TMEM47: variants seen among roughly 807,000 people sequenced by gnomAD.
The protein encoded by TMEM47 is brain cell membrane protein 1.
Under a neutral mutation model 12.4 loss-of-function variants are expected in TMEM47, and 3 were observed. The observed-to-expected ratio is 0.24, with a 90% CI of 0.11 to 0.63. The LOEUF (loss-of-function observed/expected upper bound fraction) is 0.63, where lower values mean the gene tolerates loss of function less well. TMEM47 is among the 20% of genes least tolerant of loss of function. TMEM47 has a pLI of 0.86. For synonymous variants in TMEM47, 62 were observed against 63.3 expected (o/e 0.98, Z 0.10); for missense variants, 89 against 143.8 (o/e 0.62, Z 1.95).
At chrX:34,650,863 C>T (rs748650879) in intron 1 of TMEM47, among the ~76,000 whole-genome samples, 1 of 111,486 alleles carries the variant, frequency 9.0e-6, no homozygotes. Context: ...ATCCAAAGTA[C>T]AAGTAACCAG....
chrX:34,644,500 A>G lies in TMEM47; in HGVS notation c.227-5113T>C, dbSNP rs771322688. 3.6e-5 allele frequency among the ~76,000 whole-genome samples: 4 copies of G among 112,077 alleles called. No individual in the cohort carries two copies. In the Admixed American group the frequency reaches 3.8e-4, roughly 11 times the overall value. On this transcript the variant is annotated intron_variant, in intron 1 of 2. Transcript: ENST00000275954. ...CAAGGATACATTTTCGATATTTTTG[A>G]GCCAAGGGCAATGCACAAAACCAGT... is the stretch of plus-strand genomic sequence containing the variant.
At position 34,656,982 on chromosome X, in the gene TMEM47, C is replaced by T; in HGVS notation, c.48G>A (p.Leu16=). Residue 16 remains leucine, a synonymous_variant, in exon 1 of 3, where the codon CTG becomes CTA. Transcript: ENST00000275954. ...SGMEEVRVSV[L]TPLKLVGLVC... ...CCAGCCCGACCAGCTTCAAGGGGGT[C>T]AGCACCGACACGCGCACCTCCTCCA... The T allele has an allele frequency of 8.5e-7, 1 of 1,178,001 alleles. No homozygotes were observed. The highest frequency in any genetic ancestry group is 3.2e-5 in the East Asian group (1 of 31,260).
At chrX:34,642,052 T>C (rs1017656556) in intron 1 of TMEM47, among the ~76,000 whole-genome samples, 1 of 111,983 alleles carries the variant, frequency 8.9e-6, no homozygotes, top group African/African-American at 3.2e-5. Context: ...AGACTGGGTT[T>C]CACCATGTTG....
chrX:34,633,873 C>T (rs1388322765), intron 2 of TMEM47, among the ~76,000 whole-genome samples: 1 of 111,402 alleles, frequency 9.0e-6, no homozygotes, highest in East Asian at 2.8e-4. Flanking sequence ...TGTTGGAGCT[C>T]AATAAAAATT....
intron 1 of TMEM47, among the ~76,000 whole-genome samples, chrX:34,653,388 T>A (rs772761888): frequency 8.9e-6 from 1 of 112,076 alleles, no homozygotes; most frequent in African/African-American, 3.2e-5. Flanking sequence ...AAAATGAATT[T>A]GTTATATCCC....
At chrX:34,646,177 A>C (rs1279842542) in intron 1 of TMEM47, among the ~76,000 whole-genome samples, 1 of 111,259 alleles carries the variant, frequency 9.0e-6, no homozygotes, top group Non-Finnish European at 1.9e-5. Context: ...AAGATCTTGG[A>C]GTTGTTTTAT....
intron 1 of TMEM47, among the ~76,000 whole-genome samples, chrX:34,646,817 G>A (rs920794795): frequency 1.2e-4 from 13 of 111,124 alleles, no homozygotes; most frequent in African/African-American, 3.6e-4. Context: ...AGTAAATATG[G>A]AGGAATAAAA....
intron 1 of TMEM47, among the ~76,000 whole-genome samples, chrX:34,652,870 C>T (rs1429138322): frequency 8.9e-6 from 1 of 112,121 alleles, no homozygotes; most frequent in Non-Finnish European, 1.9e-5. Flanking sequence ...ACAATAGTGA[C>T]TTCCAGGCTT....
chrX:34,639,889 C>G (rs1921785389), intron 1 of TMEM47, among the ~76,000 whole-genome samples: 1 of 111,678 alleles, frequency 9.0e-6, no homozygotes, highest in Non-Finnish European at 1.9e-5. Flanking sequence ...TCCGTCACCA[C>G]AGATTGAGTT....
chrX:34,631,583 T>C (rs1255644272), intron 2 of TMEM47, among the ~76,000 whole-genome samples: 8 of 112,216 alleles, frequency 7.1e-5, no homozygotes, highest in Non-Finnish European at 1.3e-4. Flanking sequence ...AGGCCAATTA[T>C]GGCTACTGTA....
At position 34,634,643 on chromosome X, in the gene TMEM47, T is replaced by A. The variant is rs111227864; in HGVS notation, c.368-4152A>T. 2.8e-3 allele frequency among the ~76,000 whole-genome samples: 312 copies of A among 111,995 alleles called. 2 individuals are homozygous for A. The highest frequency in any genetic ancestry group is 9.4e-3 in the African/African-American group (291 of 30,837). Reference sequence around the variant, plus strand: ...TTGTTTATAATATGTTCAACACACATTTACTGAGCTCAAACATTGTGCCAA... The same window carrying A: ...TTGTTTATAATATGTTCAACACACAATTACTGAGCTCAAACATTGTGCCAA... On this transcript the variant is annotated intron_variant, in intron 2 of 2. Transcript: ENST00000275954.
intron 1 of TMEM47, among the ~76,000 whole-genome samples, chrX:34,655,784 G>GAGAGAGAA (rs200510679): frequency 0.31 from 33,445 of 108,276 alleles, 4,246 homozygotes; most frequent in East Asian, 0.64. Flanking sequence ...GTGAGAGAGA[G>GAGAGAGAA]AGAGAGAAAG....
intron 2 of TMEM47, among the ~76,000 whole-genome samples, chrX:34,635,827 C>T (rs890334849): frequency 4.2e-5 from 4 of 95,073 alleles, no homozygotes; most frequent in Non-Finnish European, 8.7e-5. Flanking sequence ...TGATGGTGTA[C>T]GAAAAAAAGG....
intron 1 of TMEM47, among the ~76,000 whole-genome samples, chrX:34,646,477 T>C (rs1921912528): frequency 8.9e-6 from 1 of 112,155 alleles, no homozygotes; most frequent in Non-Finnish European, 1.9e-5. Flanking sequence ...TTCATAAGCA[T>C]TTGATGGTAA....
chrX:34,657,103 C>T lies in TMEM47; in HGVS notation c.-74G>A, dbSNP rs929304858. On this transcript the variant is annotated 5_prime_UTR_variant, in exon 1 of 3. Coordinates refer to ENST00000275954, the MANE Select transcript of TMEM47 (RefSeq NM_031442.4). ...GGGTCCGGAGAGCCGGGAGCCGGAC[C>T]TCCCGAAGGGAGAAGCCGCCGAGCT... 2 of 1,075,929 alleles carry T rather than the reference C, an allele frequency of 1.9e-6. No homozygotes were observed. The highest frequency in any genetic ancestry group is 2.5e-5 in the South Asian group (1 of 40,479). 88.7% of individuals were successfully genotyped at this position (1,075,929 alleles called of 1,213,427 possible). A position where few individuals can be genotyped will look rare whatever the true frequency, so the allele number is the denominator to read the frequency against.
At chrX:34,652,184 C>A (rs1046773902) in intron 1 of TMEM47, among the ~76,000 whole-genome samples, 5 of 112,246 alleles carry the variant, frequency 4.5e-5, no homozygotes, top group African/African-American at 1.6e-4. Context: ...TAGCATAGCT[C>A]ACATGGAAGT....
Position 34,646,784 on chromosome X carries a change from C to T in TMEM47, c.227-7397G>A, listed in dbSNP as rs7057900. The stretch of plus-strand genomic sequence containing the variant: ...ATGAAGAAAGCCAGACAGCCACCCA[C>T]GATAGTATTAAGATACCCCTTTAGT... On this transcript the variant is annotated intron_variant, in intron 1 of 2. Transcript: ENST00000275954. Among the ~76,000 whole-genome samples the T allele has an allele frequency of 8.2e-3, 905 of 110,762 alleles. 5 individuals carry two copies. The highest frequency in any genetic ancestry group is 0.029 in the African/African-American group (873 of 30,499).
intron 1 of TMEM47, among the ~76,000 whole-genome samples, chrX:34,653,809 C>T (rs1004399889): frequency 9.0e-6 from 1 of 111,719 alleles, no homozygotes; most frequent in South Asian, 3.7e-4. Context: ...ATTCTGTGGC[C>T]GGCAGCCATG....
intron 1 of TMEM47, among the ~76,000 whole-genome samples, chrX:34,652,195 T>C (rs1922029229): frequency 8.9e-6 from 1 of 111,946 alleles, no homozygotes; most frequent in Admixed American, 9.5e-5. Context: ...ACATGGAAGT[T>C]TGTTGTGGTA....
Sources: allele counts gnomAD v4.1 joint callset (sites outside exome capture counted in the v4.1 genomes callset), GRCh38; gene constraint gnomAD v4.1.1; transcripts MANE v1.5; gene names NCBI Gene and HGNC (gene_info 2026-07-23, HGNC 2026-07-21).